The following ROBO2 variants were observed in gnomAD, a reference collection of about 807,000 sequenced individuals.
ROBO2 encodes roundabout guidance receptor 2.
A neutral mutation model predicts 160.8 loss-of-function variants in ROBO2; 53 were observed. The observed-to-expected ratio is 0.33, with a 90% CI of 0.26 to 0.41. The LOEUF is 0.41. Ranked by LOEUF, ROBO2 falls within the 10% of genes least tolerant of loss-of-function variation. The pLI is 1.00. For missense variants in ROBO2, 1,577 were observed against 1,722.4 expected (o/e 0.92, Z 1.49); for synonymous variants, 664 against 611.7 (o/e 1.09, Z -1.26).
intron 2 of ROBO2, among the ~76,000 whole-genome samples, chr3:76,825,816 G>T (rs1187582037): frequency 6.6e-6 from 1 of 151,824 alleles, no homozygotes; most frequent in African/African-American, 2.4e-5. Flanking sequence ...CACGCATATG[G>T]ACATCCCCCT....
At chr3:77,580,045 A>G in exon 16 of ROBO2, 1 of 1,613,890 alleles carries the variant, frequency 6.2e-7, no homozygotes. Context: ...CAGGTATTCA[A>G]TACCGGGTAG....
chr3:77,291,182 T>G (rs528423789), intron 2 of ROBO2, among the ~76,000 whole-genome samples: 15 of 144,026 alleles, frequency 1.0e-4, no homozygotes, highest in African/African-American at 4.0e-4. Flanking sequence ...AGTAAAGACA[T>G]AAAGTAAAAT....
chr3:77,629,056 T>C (rs1168745872), intron 23 of ROBO2: 1 of 152,100 alleles, frequency 6.6e-6, no homozygotes, highest in Non-Finnish European at 1.5e-5. Flanking sequence ...TCATGAATAA[T>C]TGGGAGTTTT....
chr3:76,005,855 G>T lies in ROBO2; in HGVS notation c.109+68253G>T, dbSNP rs1576452303. 2.0e-5 allele frequency among the ~76,000 whole-genome samples: 3 copies of T among 152,260 alleles called. 1 individual carries two copies. Among genetic ancestry groups the T allele is most frequent in the Admixed American group, 2.0e-4 (3 of 15,296 alleles). On this transcript the variant is annotated intron_variant, in intron 2 of 26. Transcript: ENST00000487694. ...TCAAATATGTAAGGCATTGTTTGAT[G>T]ACACAACCAAAAATAAGAAAGTTTT...
chr3:77,194,541 C>G (rs1239420341), intron 2 of ROBO2, among the ~76,000 whole-genome samples: 1 of 152,074 alleles, frequency 6.6e-6, no homozygotes, highest in Non-Finnish European at 1.5e-5. Flanking sequence ...TTCAACTCAA[C>G]AAGTTGAATT....
chr3:77,277,498 A>G (rs1273082359), intron 2 of ROBO2, among the ~76,000 whole-genome samples: 2 of 151,796 alleles, frequency 1.3e-5, no homozygotes, highest in African/African-American at 4.8e-5. Flanking sequence ...TTTCCCCACT[A>G]TGTGTCCATG....
At chr3:76,622,026 A>G (rs1011701566) in intron 2 of ROBO2, among the ~76,000 whole-genome samples, 1 of 151,418 alleles carries the variant, frequency 6.6e-6, no homozygotes, top group African/African-American at 2.4e-5. Flanking sequence ...TCTCCTTAAG[A>G]CCCTATACTG....
At chr3:76,570,913 T>C (rs1284389252) in intron 2 of ROBO2, among the ~76,000 whole-genome samples, 5 of 152,162 alleles carry the variant, frequency 3.3e-5, no homozygotes. Flanking sequence ...TCAGGAAATA[T>C]CTGTTAATTT....
At chr3:77,211,759 T>C (rs2084200523) in intron 2 of ROBO2, among the ~76,000 whole-genome samples, 1 of 152,214 alleles carries the variant, frequency 6.6e-6, no homozygotes, top group Admixed American at 6.5e-5. Context: ...GTATAAAGTG[T>C]AAGGAAGGGA....
At position 77,102,096 on chromosome 3, in the gene ROBO2, A is replaced by T. The variant is rs550818488; in HGVS notation, c.388+3756A>T. 3.3e-5 allele frequency among the ~76,000 whole-genome samples: 5 copies of T among 152,288 alleles called. No homozygotes were observed. In the East Asian group the frequency reaches 5.8e-4, roughly 18 times the overall value. ...GTTGACACGATGCAAATCCCAAATG[A>T]TGATCAAATAAACAGTACCTGTGGG... On this transcript the variant is annotated intron_variant, in intron 2 of 25. Coordinates refer to ENST00000461745, the Ensembl canonical transcript of ROBO2.
At chr3:76,278,363 G>A (rs2107659520) in intron 2 of ROBO2, among the ~76,000 whole-genome samples, 1 of 152,022 alleles carries the variant, frequency 6.6e-6, no homozygotes, top group East Asian at 1.9e-4. Context: ...TAATAAACTG[G>A]AAAAGCCCAG....
At chr3:77,592,212 G>A (rs1341575223) in intron 17 of ROBO2, among the ~76,000 whole-genome samples, 1 of 152,070 alleles carries the variant, frequency 6.6e-6, no homozygotes, top group Non-Finnish European at 1.5e-5. Flanking sequence ...TAAATTGTAT[G>A]TGAACCTTTT....
rs181379335 is a variant in ROBO2 at position 76,953,242 on chromosome 3, G to A, written c.110-144772G>A. Among the ~76,000 whole-genome samples, 399 of 152,224 alleles carry A rather than the reference G, an allele frequency of 2.6e-3. 3 individuals carry two copies. The highest frequency in any genetic ancestry group is 9.1e-3 in the African/African-American group (378 of 41,532). ...CACACACAAAGAAAACTTTTGGTAAGTGTGCATTTTCGTTTAAAATAAAAA... is the reference window on the plus strand; with the variant it reads ...CACACACAAAGAAAACTTTTGGTAAATGTGCATTTTCGTTTAAAATAAAAA... On this transcript the variant is annotated intron_variant, in intron 2 of 26. Transcript: ENST00000487694.
At position 77,286,251 on chromosome 3, in the gene ROBO2, T is replaced by C. The variant is rs1188483254; in HGVS notation, c.388+187911T>C. Among the ~76,000 whole-genome samples the C allele has an allele frequency of 1.3e-5, 2 of 148,322 alleles. 1 individual carries two copies. Among genetic ancestry groups the C allele is most frequent in the South Asian group, 4.2e-4 (2 of 4,726 alleles). On this transcript the variant is annotated intron_variant, in intron 2 of 25. Transcript: ENST00000461745. ...ATGGAAGCCTAGAAACACAAAATTA[T>C]GGAGCTTTTTTTTTTTTTTTTTTTG...
intron 2 of ROBO2, among the ~76,000 whole-genome samples, chr3:76,707,898 A>T (rs1220383118): frequency 6.6e-6 from 1 of 151,932 alleles, no homozygotes; most frequent in East Asian, 1.9e-4. Context: ...CAGAAAAAGA[A>T]CTCCAAAATT....
At chr3:77,302,132 G>A (rs572852521) in intron 2 of ROBO2, among the ~76,000 whole-genome samples, 55 of 150,560 alleles carry the variant, frequency 3.7e-4, no homozygotes, top group African/African-American at 1.2e-3. Flanking sequence ...CATAGAAATA[G>A]CATCTAGCCA....
At chr3:76,823,792 A>G (rs746288457) in intron 2 of ROBO2, among the ~76,000 whole-genome samples, 18 of 152,174 alleles carry the variant, frequency 1.2e-4, no homozygotes, top group Non-Finnish European at 2.4e-4. Flanking sequence ...ATAACGGAAT[A>G]ATATTTTAAC....
intron 2 of ROBO2, among the ~76,000 whole-genome samples, chr3:76,886,785 G>A (rs2073928095): frequency 6.6e-6 from 1 of 152,138 alleles, no homozygotes; most frequent in African/African-American, 2.4e-5. Flanking sequence ...GGTGAGAGAT[G>A]AGACTAGAGA....
intron 2 of ROBO2, among the ~76,000 whole-genome samples, chr3:77,158,912 T>TG (rs2078251525): frequency 6.6e-6 from 1 of 152,108 alleles, no homozygotes; most frequent in Admixed American, 6.6e-5. Flanking sequence ...GGTTCTAAAA[T>TG]GCCACATTTT....
Sources: gnomAD v4.1 joint callset for allele counts (sites outside exome capture counted in the v4.1 genomes callset) on GRCh38, gnomAD v4.1.1 for gene constraint, MANE v1.5 for transcripts, NCBI Gene and HGNC (gene_info 2026-07-23, HGNC 2026-07-21) for gene names.